The following ELP4 variants were observed in gnomAD, a reference collection of about 807,000 sequenced individuals.
The protein encoded by ELP4 is elongator complex protein 4.
Under a neutral mutation model 48.9 loss-of-function variants are expected in ELP4, and 51 were observed. The observed-to-expected ratio is 1.04, with a 90% CI of 0.83 to 1.32. The LOEUF is 1.32. Ranked by LOEUF, ELP4 falls within the 40% of genes most tolerant of loss-of-function variation. The pLI, the probability that ELP4 is intolerant of heterozygous loss-of-function variation, is 0.00. For missense variants in ELP4, 519 were observed against 514.6 expected (o/e 1.01, Z -0.08); for synonymous variants, 210 against 189.2 (o/e 1.11, Z -0.90).
intron 8 of ELP4, chr11:31,648,579 A>G (rs1298457509): frequency 6.6e-6 from 1 of 151,406 alleles, no homozygotes; most frequent in Non-Finnish European, 1.5e-5. Flanking sequence ...ACAGATTTTT[A>G]CCTATTATTC....
intron 9 of ELP4, among the ~76,000 whole-genome samples, chr11:31,722,836 C>T (rs905974178): frequency 2.6e-5 from 4 of 152,130 alleles, no homozygotes; most frequent in Non-Finnish European, 4.4e-5. Context: ...CCCTGTGGGT[C>T]TCACCCCACA....
At chr11:31,591,036 T>C (rs1347429993) in intron 3 of ELP4, among the ~76,000 whole-genome samples, 2 of 152,130 alleles carry the variant, frequency 1.3e-5, no homozygotes, top group Admixed American at 6.6e-5. Context: ...TTGCAAATAA[T>C]ATATTTGATA....
intron 2 of ELP4, among the ~76,000 whole-genome samples, chr11:31,521,113 G>A (rs1956206913): frequency 6.6e-6 from 1 of 152,016 alleles, no homozygotes; most frequent in African/African-American, 2.4e-5. Flanking sequence ...ATACAAAGTG[G>A]TGATGCTTAA....
intron 9 of ELP4, among the ~76,000 whole-genome samples, chr11:31,697,641 C>G (rs547729567): frequency 6.6e-6 from 1 of 152,168 alleles, no homozygotes; most frequent in East Asian, 1.9e-4. Flanking sequence ...GAGAGTGGTA[C>G]TTACACAACT....
chr11:31,556,735 G>A (rs1386645843), intron 3 of ELP4, among the ~76,000 whole-genome samples: 1 of 151,728 alleles, frequency 6.6e-6, no homozygotes, highest in East Asian at 1.9e-4. Flanking sequence ...ATTAACTTTC[G>A]AATTATCTGT....
At chr11:31,580,641 C>T (rs10767899) in intron 3 of ELP4, 59,563 of 153,816 alleles carry the variant, frequency 0.39, 15,123 homozygotes, top group African/African-American at 0.72. Flanking sequence ...GCGTTTTCTC[C>T]TTCCCTATAT....
At chr11:31,762,493 T>C (rs1326890594) in intron 9 of ELP4, among the ~76,000 whole-genome samples, 1 of 152,096 alleles carries the variant, frequency 6.6e-6, no homozygotes, top group Non-Finnish European at 1.5e-5. Flanking sequence ...AAAATACTTA[T>C]TAAAATAAAG....
intron 9 of ELP4, among the ~76,000 whole-genome samples, chr11:31,659,626 A>G (rs1023833624): frequency 6.6e-6 from 1 of 152,138 alleles, no homozygotes; most frequent in Non-Finnish European, 1.5e-5. Context: ...GAACATTTCA[A>G]ATAATAAAAC....
rs11285658 is a variant in ELP4 at position 31,666,691 on chromosome 11, C to CA, written c.1143+16488dup. Among the ~76,000 whole-genome samples, 760 of 104,730 alleles carry CA rather than the reference C, an allele frequency of 7.3e-3. 12 individuals are homozygous for CA. Among genetic ancestry groups the CA allele is most frequent in the African/African-American group, 0.026 (675 of 25,594 alleles). 68.7% of individuals were successfully genotyped at this position (104,730 alleles called of 152,430 possible). A position where few individuals can be genotyped will look rare whatever the true frequency, so the allele number is the denominator to read the frequency against. Reference sequence around the variant, plus strand: ...TGGACGACAGAGTGAGATTCTGTCTCAAAAAAAAAAAAAAAAAAGGTTCCT... The same window carrying CA: ...TGGACGACAGAGTGAGATTCTGTCTCAAAAAAAAAAAAAAAAAAAGGTTCCT... On this transcript the variant is annotated intron_variant, in intron 9 of 9. Coordinates refer to ENST00000640961, the MANE Select transcript of ELP4 (RefSeq NM_019040.5).
intron 3 of ELP4, among the ~76,000 whole-genome samples, chr11:31,583,549 C>T (rs1182777703): frequency 6.6e-6 from 1 of 152,054 alleles, no homozygotes; most frequent in African/African-American, 2.4e-5. Context: ...ATGTGGTGAG[C>T]TATGATTATG....
intron 5 of ELP4, among the ~76,000 whole-genome samples, chr11:31,608,144 A>G (rs1957908040): frequency 6.6e-6 from 1 of 152,094 alleles, no homozygotes; most frequent in Admixed American, 6.6e-5. Flanking sequence ...GACAGAGCAT[A>G]TATGACAGTT....
chr11:31,588,068 T>C (rs1231699224), intron 3 of ELP4, among the ~76,000 whole-genome samples: 1 of 152,180 alleles, frequency 6.6e-6, no homozygotes, highest in Non-Finnish European at 1.5e-5. Context: ...TGTATATGCT[T>C]TGTGGATTTT....
At chr11:31,605,116 C>T (rs979753174) in intron 5 of ELP4, among the ~76,000 whole-genome samples, 6 of 151,962 alleles carry the variant, frequency 3.9e-5, no homozygotes, top group Non-Finnish European at 8.8e-5. Context: ...TTCACTGCTT[C>T]AGAAGATTTT....
intron 9 of ELP4, among the ~76,000 whole-genome samples, chr11:31,723,447 AAC>A (rs1433066341): frequency 6.6e-6 from 1 of 152,130 alleles, no homozygotes; most frequent in African/African-American, 2.4e-5. Flanking sequence ...CATGACAGCA[AAC>A]ACAGAACATT....
At chr11:31,638,639 A>G (rs555500454) in intron 7 of ELP4, among the ~76,000 whole-genome samples, 7 of 152,024 alleles carry the variant, frequency 4.6e-5, no homozygotes, top group South Asian at 4.1e-4. Context: ...GTGTTTTCAA[A>G]TTAATCTTCT....
chr11:31,663,117 TATAA>T (rs1945598225), intron 9 of ELP4: 1 of 152,038 alleles, frequency 6.6e-6, no homozygotes, highest in Non-Finnish European at 1.5e-5. Flanking sequence ...AATTGTAATG[TATAA>T]ATATATATTA....
chr11:31,644,244 A>G (rs1223553511), intron 7 of ELP4, among the ~76,000 whole-genome samples: 1 of 151,888 alleles, frequency 6.6e-6, no homozygotes, highest in Admixed American at 6.6e-5. Flanking sequence ...ATACACCATA[A>G]GCATTAATTT....
Position 31,746,251 on chromosome 11 carries a change from A to G in ELP4, c.1144-37142A>G, listed in dbSNP as rs1947587640. ...AGTCAGGAAATAACAGGTGTTGGAGAGGATGTGGAGAAATAGGAACACTTT... is the reference window on the plus strand; with the variant it reads ...AGTCAGGAAATAACAGGTGTTGGAGGGGATGTGGAGAAATAGGAACACTTT... On this transcript the variant is annotated intron_variant, in intron 9 of 9. Coordinates refer to ENST00000640961, the MANE Select transcript of ELP4 (RefSeq NM_019040.5). Among the ~76,000 whole-genome samples the G allele has an allele frequency of 2.6e-5, 4 of 152,318 alleles. No homozygotes were observed. In the South Asian group the frequency reaches 8.3e-4, roughly 32 times the overall value.
At chr11:31,547,434 A>T (rs748260011) in intron 3 of ELP4, among the ~76,000 whole-genome samples, 5 of 152,230 alleles carry the variant, frequency 3.3e-5, no homozygotes, top group Admixed American at 6.5e-5. Context: ...AGACTAAACC[A>T]GGAGGAAGTT....
Sources: allele counts gnomAD v4.1 joint callset (sites outside exome capture counted in the v4.1 genomes callset), GRCh38; gene constraint gnomAD v4.1.1; transcripts MANE v1.5; gene names NCBI Gene and HGNC (gene_info 2026-07-23, HGNC 2026-07-21).